Variants in PPP1R9A observed in about 807,000 individuals in gnomAD.
PPP1R9A encodes neurabin-1.
Under a neutral mutation model 141.9 loss-of-function variants are expected in PPP1R9A, and 59 were observed. That is an observed-to-expected ratio of 0.42 (90% CI 0.34 to 0.52). PPP1R9A has a LOEUF of 0.52. Ranked by LOEUF, PPP1R9A falls within the 20% of genes least tolerant of loss-of-function variation. The probability of loss-of-function intolerance (pLI) is 0.10; values close to 1 mark genes in which losing one functional copy is unlikely to be tolerated. For synonymous variants in PPP1R9A, 500 were observed against 569.7 expected (o/e 0.88, Z 1.74); for missense variants, 1,444 against 1,611.9 (o/e 0.90, Z 1.78).
At chr7:95,187,040 G>A (rs1264117977) in intron 5 of PPP1R9A, among the ~76,000 whole-genome samples, 1 of 152,052 alleles carries the variant, frequency 6.6e-6, no homozygotes, top group Non-Finnish European at 1.5e-5. Flanking sequence ...GATTTAGGGA[G>A]GATTCCCTTC....
At position 95,247,248 on chromosome 7, in the gene PPP1R9A, T is replaced by C. The variant is rs35831441; in HGVS notation, c.2113-225T>C. On this transcript the variant is annotated intron_variant, in intron 8 of 19. Transcript: ENST00000433360. ...TTCTCTTGGTCCCTGAGCAATTAAATTGGTAACCTAATCTGATGTTAGGGA... is the reference window on the plus strand; with the variant it reads ...TTCTCTTGGTCCCTGAGCAATTAAACTGGTAACCTAATCTGATGTTAGGGA... 8.2e-3 allele frequency among the ~76,000 whole-genome samples: 1,256 copies of C among 152,302 alleles called. 8 individuals carry two copies. Among genetic ancestry groups the C allele is most frequent in the Non-Finnish European group, 0.013 (866 of 68,018 alleles).
chr7:95,198,538 C>G lies in PPP1R9A; in HGVS notation c.1890+54C>G. ...CCCACATTTTCTAATTCATGAAACTCTCTCTACTGTATAACAGTATGACAG... is the reference window on the plus strand; with the variant it reads ...CCCACATTTTCTAATTCATGAAACTGTCTCTACTGTATAACAGTATGACAG... On this transcript the variant is annotated intron_variant, in intron 6 of 19. Transcript: ENST00000433360. 7 of 1,501,384 alleles carry G rather than the reference C, an allele frequency of 4.7e-6. No homozygotes were observed. The South Asian group carries it at 9.8e-5, about 21-fold the overall frequency. 93.0% of individuals were successfully genotyped at this position (1,501,384 alleles called of 1,614,324 possible). A position where few individuals can be genotyped will look rare whatever the true frequency, so the allele number is the denominator to read the frequency against.
chr7:95,171,516 A>C (rs1313367426), intron 5 of PPP1R9A, among the ~76,000 whole-genome samples: 1 of 151,620 alleles, frequency 6.6e-6, no homozygotes, highest in Non-Finnish European at 1.5e-5. Context: ...GTGTAATTAC[A>C]TATTCCACAG....
At chr7:95,267,865 C>G (rs921444203) in intron 12 of PPP1R9A, among the ~76,000 whole-genome samples, 11 of 152,092 alleles carry the variant, frequency 7.2e-5, no homozygotes, top group African/African-American at 2.7e-4. Context: ...ATCCACAATA[C>G]TAGTAAACTA....
intron 4 of PPP1R9A, among the ~76,000 whole-genome samples, chr7:95,127,005 C>A (rs1823670339): frequency 6.6e-6 from 1 of 151,960 alleles, no homozygotes; most frequent in South Asian, 2.1e-4. Context: ...ACCTCTCTTT[C>A]CTCTTCTCCT....
intron 16 of PPP1R9A, among the ~76,000 whole-genome samples, chr7:95,277,357 A>G (rs1803393870): frequency 6.6e-6 from 1 of 152,242 alleles, no homozygotes; most frequent in Non-Finnish European, 1.5e-5. Context: ...TAATAAACAA[A>G]TAAACCCAAC....
chr7:95,188,640 C>G (rs956425725), intron 5 of PPP1R9A, among the ~76,000 whole-genome samples: 2 of 147,860 alleles, frequency 1.4e-5, no homozygotes, highest in Non-Finnish European at 3.0e-5. Context: ...ACTCTGTTGC[C>G]TAGGCTGGAG....
chr7:95,117,433 G>T (rs1489698393), intron 3 of PPP1R9A, among the ~76,000 whole-genome samples: 1 of 152,102 alleles, frequency 6.6e-6, no homozygotes, highest in Non-Finnish European at 1.5e-5. Context: ...CAGTCATCAT[G>T]TTGTCCTTGT....
At chr7:94,957,772 G>C (rs10266024) in intron 2 of PPP1R9A, among the ~76,000 whole-genome samples, 1 of 151,774 alleles carries the variant, frequency 6.6e-6, no homozygotes, top group Non-Finnish European at 1.5e-5. Flanking sequence ...TTTACTGTAC[G>C]ACCCCTTTCT....
At position 95,286,224 on chromosome 7, in the gene PPP1R9A, G is replaced by T. The variant is rs996508413; in HGVS notation, c.3628G>T (p.Asp1210Tyr). The stretch of plus-strand genomic sequence containing the variant: ...TTTACAGAATTTTACCTTCAATGAT[G>T]ACTTCAGTCCCAGCAGTACCAGTTC... ...QETNNFTFND[D>Y]FSPSSTSSAD... Residue 1210 changes from aspartate to tyrosine, a missense_variant, in exon 18 of 20, where the codon GAC becomes TAC. Transcript: ENST00000433360. 1 of 1,613,262 alleles carries T rather than the reference G, an allele frequency of 6.2e-7. No individual in the cohort carries two copies. The highest frequency in any genetic ancestry group is 1.1e-5 in the South Asian group (1 of 90,988).
intron 16 of PPP1R9A, among the ~76,000 whole-genome samples, chr7:95,279,287 G>A (rs566168219): frequency 1.3e-5 from 2 of 152,278 alleles, no homozygotes; most frequent in South Asian, 4.1e-4. Context: ...CTGTTGCTGA[G>A]TAAGAGCAAA....
intron 2 of PPP1R9A, among the ~76,000 whole-genome samples, chr7:94,994,723 G>T: frequency 6.6e-6 from 1 of 151,900 alleles, no homozygotes; most frequent in East Asian, 1.9e-4. Context: ...GTGAAACCCC[G>T]TCTTTACTAA....
rs1029668584 is a variant in PPP1R9A at position 95,293,293 on chromosome 7, C to CT, written c.*2997dup. 9.2e-5 allele frequency: 14 copies of CT among 152,104 alleles called. No homozygotes were observed. The highest frequency in any genetic ancestry group is 3.4e-4 in the African/African-American group (14 of 41,412). The allele number at this position is 152,104 out of a possible 1,614,324, so 9.4% of individuals were successfully genotyped here. On this transcript the variant is annotated 3_prime_UTR_variant, in exon 20 of 20. Coordinates refer to ENST00000433360, the MANE Select transcript of PPP1R9A (RefSeq NM_001166160.2). The stretch of plus-strand genomic sequence containing the variant: ...CAGTTTATGTAATACTAATCTCATT[C>CT]TTTTTTTACCTGAATCAGGAATTTT...
intron 4 of PPP1R9A, among the ~76,000 whole-genome samples, chr7:95,132,441 T>C (rs1824825131): frequency 6.6e-6 from 1 of 152,158 alleles, no homozygotes; most frequent in Non-Finnish European, 1.5e-5. Flanking sequence ...GAGAAGATCG[T>C]ATGGTTTTTG....
At chr7:95,181,424 T>G (rs1203332127) in intron 5 of PPP1R9A, among the ~76,000 whole-genome samples, 14 of 134,694 alleles carry the variant, frequency 1.0e-4, no homozygotes, top group African/African-American at 1.7e-4. Context: ...ATATAGAATA[T>G]AGAGAATATA....
intron 2 of PPP1R9A, among the ~76,000 whole-genome samples, chr7:95,053,982 T>A (rs1220031244): frequency 6.6e-6 from 1 of 152,146 alleles, no homozygotes; most frequent in African/African-American, 2.4e-5. Context: ...AAGAAAGAAA[T>A]GTTAAATCAG....
At chr7:95,010,430 T>C (rs1392018139) in intron 2 of PPP1R9A, among the ~76,000 whole-genome samples, 2 of 151,794 alleles carry the variant, frequency 1.3e-5, no homozygotes, top group Non-Finnish European at 2.9e-5. Flanking sequence ...AAAAAAAAAA[T>C]AGCTTCCTTT....
At chr7:95,110,741 A>C (rs560811084) in intron 2 of PPP1R9A, among the ~76,000 whole-genome samples, 1 of 152,354 alleles carries the variant, frequency 6.6e-6, no homozygotes, top group South Asian at 2.1e-4. Flanking sequence ...TGTATATGCA[A>C]GTAAAATGAG....
Position 94,911,503 on chromosome 7 carries a change from A to C in PPP1R9A, c.1390A>C (p.Ile464Leu), listed in dbSNP as rs1471532095. ...NRKIKFSSAP[I>L]KVFNTYSNED... ...GAAAATTAAGTTTAGTAGTGCTCCTATTAAGGTAAGTGTGTTTTCTCCATT... is the reference window on the plus strand; with the variant it reads ...GAAAATTAAGTTTAGTAGTGCTCCTCTTAAGGTAAGTGTGTTTTCTCCATT... The change falls in exon 2 of 20, where the codon ATT becomes CTT. Residue 464 changes from isoleucine (I) to leucine (L), a missense_variant. By Grantham distance (5) the Ile-to-Leu change is conservative. Coordinates refer to ENST00000433360, the MANE Select transcript of PPP1R9A (RefSeq NM_001166160.2). The C allele has an allele frequency of 4.4e-6, 7 of 1,601,372 alleles. No homozygotes were observed. Among genetic ancestry groups the C allele is most frequent in the Non-Finnish European group, 6.0e-6 (7 of 1,170,424 alleles).
Sources: gnomAD v4.1 joint callset for allele counts (sites outside exome capture counted in the v4.1 genomes callset) on GRCh38, gnomAD v4.1.1 for gene constraint, MANE v1.5 for transcripts, NCBI Gene and HGNC (gene_info 2026-07-23, HGNC 2026-07-21) for gene names.